SHISA9: variants seen among roughly 807,000 people sequenced by gnomAD.
SHISA9 encodes the protein shisa family member 9, also known as protein shisa-9.
Under a neutral mutation model 38.0 loss-of-function variants are expected in SHISA9, and 13 were observed. That is an observed-to-expected ratio of 0.34 (90% CI 0.22 to 0.54). SHISA9 has a LOEUF of 0.54. Ranked by LOEUF, SHISA9 falls within the 20% of genes least tolerant of loss-of-function variation. The probability of loss-of-function intolerance (pLI) is 0.91; values close to 1 mark genes in which losing one functional copy is unlikely to be tolerated. For synonymous variants in SHISA9, 275 were observed against 242.0 expected (o/e 1.14, Z -1.27); for missense variants, 538 against 575.8 (o/e 0.93, Z 0.67).
the SHISA9 span, among the ~76,000 whole-genome samples, chr16:13,523,821 T>A: frequency 5.9e-5 from 9 of 152,164 alleles, no homozygotes; most frequent in Non-Finnish European, 1.0e-4. Flanking sequence ...CGGATGCACA[T>A]CCAAACCATA....
intron 2 of SHISA9, among the ~76,000 whole-genome samples, chr16:13,174,338 A>C (rs1378561892): frequency 1.3e-5 from 2 of 151,922 alleles, no homozygotes; most frequent in African/African-American, 4.8e-5. Context: ...CCTCCTCCTC[A>C]TGTACCTTGC....
intron 2 of SHISA9, among the ~76,000 whole-genome samples, chr16:13,105,083 A>G (rs576756986): frequency 2.0e-5 from 3 of 152,184 alleles, no homozygotes; most frequent in Non-Finnish European, 4.4e-5. Context: ...GAAATATAAT[A>G]ATAAACAATA....
At chr16:13,048,839 A>G (rs1385405436) in intron 2 of SHISA9, among the ~76,000 whole-genome samples, 1 of 152,258 alleles carries the variant, frequency 6.6e-6, no homozygotes, top group Non-Finnish European at 1.5e-5. Context: ...GTTATGAGAT[A>G]TAACTGCTTG....
chr16:13,390,895 A>C, the SHISA9 span, among the ~76,000 whole-genome samples: 1 of 152,214 alleles, frequency 6.6e-6, no homozygotes, highest in Non-Finnish European at 1.5e-5. Flanking sequence ...GAGATATCTC[A>C]GGCAACTGCA....
intron 2 of SHISA9, among the ~76,000 whole-genome samples, chr16:13,021,199 T>C (rs1333287198): frequency 6.6e-6 from 1 of 152,156 alleles, no homozygotes; most frequent in Non-Finnish European, 1.5e-5. Context: ...TTCAGGGTGT[T>C]TGGTGGCATT....
intron 2 of SHISA9, among the ~76,000 whole-genome samples, chr16:12,979,945 A>G (rs557648672): frequency 6.6e-6 from 1 of 152,256 alleles, no homozygotes; most frequent in Non-Finnish European, 1.5e-5. Flanking sequence ...TGTGCATTCA[A>G]ATCTCCTGGG....
At chr16:13,019,828 CTTTCTTT>C (rs1447355204) in intron 2 of SHISA9, among the ~76,000 whole-genome samples, 140 of 88,322 alleles carry the variant, frequency 1.6e-3, no homozygotes, top group African/African-American at 4.3e-3. Flanking sequence ...TTCTTTCTTT[CTTTCTTT>C]TTCCTTCCTT....
intron 2 of SHISA9, among the ~76,000 whole-genome samples, chr16:13,026,462 T>C (rs1479258941): frequency 2.0e-5 from 3 of 152,252 alleles, no homozygotes; most frequent in African/African-American, 7.2e-5. Flanking sequence ...TACAGTTTCT[T>C]TCTGCATTCA....
the SHISA9 span, among the ~76,000 whole-genome samples, chr16:13,356,292 G>A: frequency 5.3e-5 from 8 of 152,126 alleles, no homozygotes; most frequent in African/African-American, 1.4e-4. Flanking sequence ...AGAATAAGAC[G>A]GCCTTTTGCC....
chr16:13,345,226 A>G, the SHISA9 span, among the ~76,000 whole-genome samples: 6 of 152,110 alleles, frequency 3.9e-5, no homozygotes, highest in Non-Finnish European at 8.8e-5. Flanking sequence ...CCTAATACCC[A>G]TTAGTTATTT....
chr16:13,016,897 C>T (rs181193458), intron 2 of SHISA9, among the ~76,000 whole-genome samples: 27 of 152,148 alleles, frequency 1.8e-4, no homozygotes, highest in Admixed American at 1.2e-3. Flanking sequence ...GAGCATTCCA[C>T]GATATTAGGA....
In SHISA9 at chr16:12,992,037, A is replaced by G. The variant is rs1020945342; in HGVS notation, c.691+75222A>G. Among the ~76,000 whole-genome samples the G allele has an allele frequency of 2.6e-5, 4 of 152,352 alleles. No individual in the cohort carries two copies. The East Asian group carries it at 5.8e-4, about 22-fold the overall frequency. Reference sequence around the variant, plus strand: ...TAGGTGCTCAACAAATATTTTGTTGAAGAAATGAATATAATTTAAAAATAT... The same window carrying G: ...TAGGTGCTCAACAAATATTTTGTTGGAGAAATGAATATAATTTAAAAATAT... On this transcript the variant is annotated intron_variant, in intron 2 of 4. Transcript: ENST00000558583.
intron 2 of SHISA9, among the ~76,000 whole-genome samples, chr16:13,149,740 C>A (rs1389341020): frequency 6.6e-6 from 1 of 151,762 alleles, no homozygotes; most frequent in African/African-American, 2.4e-5. Context: ...GCCTGGCCAA[C>A]ATGGTGATAC....
chr16:13,479,671 T>A, the SHISA9 span, among the ~76,000 whole-genome samples: 1 of 152,316 alleles, frequency 6.6e-6, no homozygotes, highest in Non-Finnish European at 1.5e-5. Context: ...TTATATTCCC[T>A]TCCTCACGGC....
intron 2 of SHISA9, among the ~76,000 whole-genome samples, chr16:12,997,934 C>T (rs2072478765): frequency 6.6e-6 from 1 of 152,156 alleles, no homozygotes; most frequent in South Asian, 2.1e-4. Flanking sequence ...CCTTCTCGTC[C>T]AGACACCATG....
At chr16:13,551,561 A>G in the SHISA9 span, among the ~76,000 whole-genome samples, 6 of 152,240 alleles carry the variant, frequency 3.9e-5, no homozygotes, top group South Asian at 1.2e-3. Flanking sequence ...ACAGAAGCAT[A>G]TGTGACTGTG....
chr16:13,191,339 T>G (rs981849476), intron 2 of SHISA9, among the ~76,000 whole-genome samples: 1 of 152,236 alleles, frequency 6.6e-6, no homozygotes, highest in African/African-American at 2.4e-5. Flanking sequence ...ATCTAGACTA[T>G]GTCCAAGAAT....
chr16:13,069,124 T>C (rs2073474786), intron 2 of SHISA9, among the ~76,000 whole-genome samples: 1 of 152,166 alleles, frequency 6.6e-6, no homozygotes, highest in African/African-American at 2.4e-5. Flanking sequence ...ATGCAATGTG[T>C]ATATGCACAT....
intron 2 of SHISA9, among the ~76,000 whole-genome samples, chr16:13,125,143 G>A (rs192378986): frequency 0.011 from 1,736 of 152,216 alleles, 16 homozygotes; most frequent in Non-Finnish European, 0.016. Flanking sequence ...AAAAGCTTCT[G>A]CATAACAAAG....
Sources: gnomAD v4.1 joint callset for allele counts (sites outside exome capture counted in the v4.1 genomes callset) on GRCh38, gnomAD v4.1.1 for gene constraint, MANE v1.5 for transcripts, NCBI Gene and HGNC (gene_info 2026-07-23, HGNC 2026-07-21) for gene names.